The following CDK14 variants were observed in gnomAD, a reference collection of about 807,000 sequenced individuals.
CDK14 encodes cyclin dependent kinase 14.
A neutral mutation model predicts 60.7 loss-of-function variants in CDK14; 34 were observed. The ratio of observed to expected loss-of-function variants is 0.56; its 90% CI spans 0.43 to 0.75. CDK14 has a LOEUF of 0.75. CDK14 is among the 30% of genes least tolerant of loss of function. The pLI is 0.00. For synonymous variants in CDK14, 197 were observed against 203.7 expected, an observed-to-expected ratio of 0.97 and a Z score of 0.28; for missense variants, 482 against 564.1, an observed-to-expected ratio of 0.85 and a Z score of 1.47.
At chr7:90,853,652 A>G (rs988535978) in intron 5 of CDK14, among the ~76,000 whole-genome samples, 2 of 152,212 alleles carry the variant, frequency 1.3e-5, no homozygotes, top group African/African-American at 4.8e-5. Flanking sequence ...GAAATATGGA[A>G]TATAAGCTTC....
chr7:91,047,903 T>C (rs1356529316), intron 11 of CDK14, among the ~76,000 whole-genome samples: 1 of 152,094 alleles, frequency 6.6e-6, no homozygotes. Flanking sequence ...CCTGACCTCA[T>C]AGATCTCATA....
intron 4 of CDK14, among the ~76,000 whole-genome samples, chr7:90,785,959 G>A (rs1805566056): frequency 6.6e-6 from 1 of 152,114 alleles, no homozygotes; most frequent in South Asian, 2.1e-4. Context: ...TCCCCTTTCA[G>A]CCTGGCTCTA....
At chr7:90,634,149 T>G (rs573526127) in intron 2 of CDK14, among the ~76,000 whole-genome samples, 2 of 152,194 alleles carry the variant, frequency 1.3e-5, no homozygotes, top group Admixed American at 1.3e-4. Flanking sequence ...TTAATTATTA[T>G]TATACTTTAA....
intron 1 of CDK14, among the ~76,000 whole-genome samples, chr7:90,599,391 C>T (rs1454138780): frequency 1.3e-5 from 2 of 152,202 alleles, no homozygotes; most frequent in Non-Finnish European, 2.9e-5. Context: ...CGGAGTTAGG[C>T]AGGCCTGGAT....
intron 10 of CDK14, among the ~76,000 whole-genome samples, chr7:91,019,020 G>C (rs73230805): frequency 2.0e-4 from 30 of 152,206 alleles, no homozygotes; most frequent in Admixed American, 7.2e-4. Context: ...GTTTTAGCCT[G>C]TGAATTCTGG....
intron 14 of CDK14, among the ~76,000 whole-genome samples, chr7:91,128,693 CGTAA>C (rs60342642): frequency 0.044 from 6,617 of 152,056 alleles, 292 homozygotes; most frequent in East Asian, 0.22. Context: ...AAGCCCTTAC[CGTAA>C]ACTCAAGACA....
At chr7:91,052,014 G>A (rs1409716198) in intron 11 of CDK14, among the ~76,000 whole-genome samples, 2 of 152,196 alleles carry the variant, frequency 1.3e-5, no homozygotes, top group African/African-American at 2.4e-5. Context: ...CGGAATACAC[G>A]TAGACATTTG....
intron 14 of CDK14, among the ~76,000 whole-genome samples, chr7:91,118,555 G>C (rs907897085): frequency 1.7e-4 from 26 of 152,192 alleles, no homozygotes; most frequent in African/African-American, 6.3e-4. Context: ...TTTTGCCCAT[G>C]CAATTTTTCT....
chr7:90,952,318 A>T (rs1794287253), intron 8 of CDK14, among the ~76,000 whole-genome samples: 2 of 152,150 alleles, frequency 1.3e-5, no homozygotes, highest in African/African-American at 2.4e-5. Context: ...AGCAGATATT[A>T]TCTATAAGAT....
chr7:90,912,325 A>G (rs1320073004), intron 7 of CDK14, among the ~76,000 whole-genome samples: 1 of 152,214 alleles, frequency 6.6e-6, no homozygotes, highest in African/African-American at 2.4e-5. Flanking sequence ...TGTGCTTATT[A>G]TACTATATGC....
intron 14 of CDK14, among the ~76,000 whole-genome samples, chr7:91,174,355 G>A (rs1316117945): frequency 1.3e-5 from 2 of 150,324 alleles, no homozygotes; most frequent in African/African-American, 4.9e-5. Flanking sequence ...CAAAGATGGG[G>A]AAAAAACAGA....
At chr7:90,915,959 A>G (rs1793067027) in intron 7 of CDK14, among the ~76,000 whole-genome samples, 1 of 152,248 alleles carries the variant, frequency 6.6e-6, no homozygotes, top group Non-Finnish European at 1.5e-5. Context: ...ACTCTGCTAG[A>G]TCCCAAAGAT....
At chr7:90,649,328 CCT>C (rs1800554451) in intron 2 of CDK14, among the ~76,000 whole-genome samples, 1 of 43,700 alleles carries the variant, frequency 2.3e-5, no homozygotes, top group Non-Finnish European at 3.7e-5. Context: ...TTCCTTCCTT[CCT>C]TCCTTCCTTC....
intron 2 of CDK14, among the ~76,000 whole-genome samples, chr7:90,721,349 G>A (rs565858339): frequency 5.9e-5 from 9 of 152,164 alleles, no homozygotes; most frequent in Admixed American, 5.2e-4. Context: ...TATTATAGCT[G>A]CCATTTGGCC....
intron 4 of CDK14, among the ~76,000 whole-genome samples, chr7:90,789,022 A>C (rs192157773): frequency 6.6e-6 from 1 of 152,306 alleles, no homozygotes; most frequent in African/African-American, 2.4e-5. Flanking sequence ...AATATTCATC[A>C]GAATTGGAGA....
chr7:91,082,284 C>T (rs968607694), intron 12 of CDK14, among the ~76,000 whole-genome samples: 2 of 152,154 alleles, frequency 1.3e-5, no homozygotes, highest in South Asian at 2.1e-4. Flanking sequence ...TGAATGATTT[C>T]GGAGGTTTGA....
intron 5 of CDK14, among the ~76,000 whole-genome samples, chr7:90,822,978 A>G (rs762676741): frequency 6.6e-6 from 1 of 152,198 alleles, no homozygotes; most frequent in Non-Finnish European, 1.5e-5. Flanking sequence ...TTTTAAAATC[A>G]TTTATCTGCT....
chr7:90,924,395 G>C (rs1395334013), intron 8 of CDK14, among the ~76,000 whole-genome samples: 3 of 151,718 alleles, frequency 2.0e-5, no homozygotes, highest in African/African-American at 7.3e-5. Context: ...TTCAACTTGA[G>C]TTTTGGTGGG....
At chr7:90,850,063 G>A (rs897394138) in intron 5 of CDK14, among the ~76,000 whole-genome samples, 11 of 151,930 alleles carry the variant, frequency 7.2e-5, no homozygotes, top group Non-Finnish European at 1.3e-4. Context: ...ACTTATGAAA[G>A]GAAAACTCCT....
Sources: gnomAD v4.1 joint callset for allele counts (sites outside exome capture counted in the v4.1 genomes callset) on GRCh38, gnomAD v4.1.1 for gene constraint, MANE v1.5 for transcripts, NCBI Gene and HGNC (gene_info 2026-07-23, HGNC 2026-07-21) for gene names.